Variants in PRSS36 observed in about 807,000 individuals in gnomAD.
The protein encoded by PRSS36 is serine protease 36, also known as polyserase-2.
Under a neutral mutation model 94.3 loss-of-function variants are expected in PRSS36, and 90 were observed. That is an observed-to-expected ratio of 0.95 (90% CI 0.80 to 1.14). PRSS36 has a LOEUF of 1.14. Ranked by LOEUF, PRSS36 falls within the 50% of genes most tolerant of loss-of-function variation. The pLI, the probability that PRSS36 is intolerant of heterozygous loss-of-function variation, is 0.00. For missense variants in PRSS36, 1,158 were observed against 1,135.0 expected, an observed-to-expected ratio of 1.02 and a Z score of -0.29; for synonymous variants, 500 against 489.6, an observed-to-expected ratio of 1.02 and a Z score of -0.28.
intron 5 of PRSS36, 28 bp downstream of exon 5, chr16:31,148,367 C>T (rs1409796418): frequency 7.2e-6 from 11 of 1,521,064 alleles, no homozygotes; most frequent in African/African-American, 1.4e-5. Context: ...CTCCCCGAGG[C>T]CCTCCCCTCT....
Position 31,149,514 on chromosome 16 carries a change from G to GA in PRSS36, c.74-17dup. On this transcript the variant is annotated splice_polypyrimidine_tract_variant and intron_variant, in intron 2 of 14. Coordinates refer to ENST00000268281, the MANE Select transcript of PRSS36 (RefSeq NM_173502.5). ...GGACTGAGAGCTGGGAGCCAGAGGG[G>GA]AAAGAGAGGAGGACACTTGTGACTT... The GA allele has an allele frequency of 6.2e-7, 1 of 1,614,078 alleles. No homozygotes were observed. The highest frequency in any genetic ancestry group is 8.5e-7 in the Non-Finnish European group (1 of 1,179,988).
chr16:31,142,427 C>T, intron 10 of PRSS36, 54 bp downstream of exon 10: 1 of 1,403,020 alleles, frequency 7.1e-7, no homozygotes, highest in South Asian at 1.5e-5. Context: ...GCCCCGCCCT[C>T]TTCCTAGAGC....
chr16:31,145,773 CG>C lies in PRSS36; in HGVS notation c.720+15del. 1 of 1,608,490 alleles carries C rather than the reference CG, an allele frequency of 6.2e-7. No homozygotes were observed. The highest frequency in any genetic ancestry group is 8.5e-7 in the Non-Finnish European group (1 of 1,177,810). On this transcript the variant is annotated intron_variant, in intron 6 of 14. Coordinates refer to ENST00000268281, the MANE Select transcript of PRSS36 (RefSeq NM_173502.5). Reference sequence around the variant, plus strand: ...GACTCTGGCCCTGCCAGGCAGGTGCCGGGGCCTTCCCTCACCTGGCAGGTGT... The same window carrying C: ...GACTCTGGCCCTGCCAGGCAGGTGCCGGGCCTTCCCTCACCTGGCAGGTGT...
Position 31,149,987 on chromosome 16 carries a change from C to T in PRSS36, c.37+12G>A, listed in dbSNP as rs567974118. 1.9e-6 allele frequency: 3 copies of T among 1,613,922 alleles called. No individual in the cohort carries two copies. Among genetic ancestry groups the T allele is most frequent in the East Asian group, 2.2e-5 (1 of 44,886 alleles). ...CAGGCCCTTTGCAGCCACTCTTGTC[C>T]CCTGAGGTTACCAAGCATCACAAGG... On this transcript the variant is annotated intron_variant, in intron 1 of 14. Coordinates refer to ENST00000268281, the MANE Select transcript of PRSS36 (RefSeq NM_173502.5).
chr16:31,143,850 G>A lies in PRSS36; in HGVS notation c.721-13C>T, dbSNP rs1567449849. On this transcript the variant is annotated splice_polypyrimidine_tract_variant and intron_variant, in intron 6 of 14. Coordinates refer to ENST00000268281, the MANE Select transcript of PRSS36 (RefSeq NM_173502.5). ...CCCCAGAGTCACCCTAGTGGCAGAT[G>A]ACTGCATGTCAAGGGGTCAGCCCAG... is the stretch of plus-strand genomic sequence containing the variant. The A allele has an allele frequency of 9.9e-6, 16 of 1,612,682 alleles. No individual in the cohort carries two copies. Among genetic ancestry groups the A allele is most frequent in the Non-Finnish European group, 1.4e-5 (16 of 1,179,990 alleles).
intron 10 of PRSS36, among the ~76,000 whole-genome samples, chr16:31,142,247 C>T (rs1048989699): frequency 3.3e-5 from 5 of 152,128 alleles, no homozygotes; most frequent in Non-Finnish European, 5.9e-5. Context: ...GTTCTGGCCC[C>T]GCTTCCACCC....
chr16:31,139,956 A>T (rs954000458), intron 14 of PRSS36, among the ~76,000 whole-genome samples: 1 of 148,806 alleles, frequency 6.7e-6, no homozygotes, highest in Non-Finnish European at 1.5e-5. Context: ...GCACTTTGGG[A>T]GGCCGAGGCC....
At position 31,143,664 on chromosome 16, in the gene PRSS36, G is replaced by A. The variant is rs747650650; in HGVS notation, c.894C>T (p.Ala298=). 1 of 1,614,224 alleles carries A rather than the reference G, an allele frequency of 6.2e-7. No homozygotes were observed. The highest frequency in any genetic ancestry group is 8.5e-7 in the Non-Finnish European group (1 of 1,180,038). The change falls in exon 7 of 15, where the codon GCC becomes GCT. Residue 298 remains alanine (A), a synonymous_variant. Transcript: ENST00000268281. The stretch of plus-strand genomic sequence containing the variant: ...GGGTCTTCTGGGGCTGGGTGGGAAA[G>A]GCAGGCCCAGGCTCTGAACCCATCA... ...EQVMGSEPGP[A]FPTQPQKTQS...
At position 31,148,666 on chromosome 16, in the gene PRSS36, C is replaced by G. The variant is rs751111232; in HGVS notation, c.282G>C (p.Thr94=). The G allele has an allele frequency of 6.2e-7, 1 of 1,612,382 alleles. No individual in the cohort carries two copies. ...SAAHCFMTNG[T]LEPAAEWSVL... ...CCGACCACTCGGCCGCGGGCTCCAGCGTCCCATTCCTGCGCTCGACCGGGG... is the reference window on the plus strand; with the variant it reads ...CCGACCACTCGGCCGCGGGCTCCAGGGTCCCATTCCTGCGCTCGACCGGGG... The change falls in exon 5 of 15, where the codon ACG becomes ACC. Residue 94 remains threonine (T), a synonymous_variant. Transcript: ENST00000268281.
chr16:31,145,721 G>A, intron 6 of PRSS36, 68 bp downstream of exon 6: 2 of 1,465,944 alleles, frequency 1.4e-6, no homozygotes, highest in Non-Finnish European at 1.8e-6. Flanking sequence ...TTGGAGAGAT[G>A]TCCTTTATCT....
rs61976954 is a variant in PRSS36, at chr16:31,140,613, G to T, written c.2046C>A (p.Leu682=). ...QHLGLRPPLA[L]LELSSRVEPS... Reference sequence around the variant, plus strand: ...GCTCCACCCGGGAGCTCAGCTCCAGGAGGGCCAGGGGGGGCCTGAGTCCCA... The same window carrying T: ...GCTCCACCCGGGAGCTCAGCTCCAGTAGGGCCAGGGGGGGCCTGAGTCCCA... The change falls in exon 13 of 15, where the codon CTC becomes CTA. Residue 682 remains leucine (L), a synonymous_variant. Transcript: ENST00000268281. The T allele has an allele frequency of 5.1e-3, 8,233 of 1,611,686 alleles. 160 individuals are homozygous for T. In the African/African-American group the frequency reaches 0.058, roughly 11 times the overall value.
intron 1 of PRSS36, 35 bp from the exon 2 acceptor site, chr16:31,149,766 G>C (rs758300752): frequency 1.5e-5 from 24 of 1,613,974 alleles, no homozygotes; most frequent in Non-Finnish European, 2.0e-5. Flanking sequence ...AGAGGCTGGC[G>C]ACTCGCACTC....
intron 8 of PRSS36, 115 bp from the exon 9 acceptor site, chr16:31,143,108 A>C: frequency 7.4e-7 from 1 of 1,352,152 alleles, no homozygotes; most frequent in Non-Finnish European, 9.6e-7. Context: ...GATCCCCACG[A>C]CACCCCCATT....
Position 31,149,186 on chromosome 16 carries a change from C to T in PRSS36, c.159G>A (p.Ala53=), listed in dbSNP as rs1209421752. The change falls in exon 4 of 15, where the codon GCG becomes GCA. Residue 53 remains alanine (A), a synonymous_variant. Transcript: ENST00000268281. ...PSARIVGGSN[A]QPGTWPWQVS... The stretch of plus-strand genomic sequence containing the variant: ...CTTGCCAAGGCCAGGTGCCCGGCTG[C>T]GCGTTTGAGCCCCCCACGATGCGGG... 7 of 1,570,244 alleles carry T rather than the reference C, an allele frequency of 4.5e-6. No homozygotes were observed. Among genetic ancestry groups the T allele is most frequent in the Non-Finnish European group, 6.0e-6 (7 of 1,158,530 alleles).
chr16:31,148,831 C>T, intron 4 of PRSS36, 156 bp from the exon 5 acceptor site: 10 of 1,075,212 alleles, frequency 9.3e-6, no homozygotes, highest in African/African-American at 3.2e-5. Context: ...CGATTTGGAG[C>T]TGGTGGTGGG....
chr16:31,148,260 C>T (rs1410026182), intron 5 of PRSS36, 135 bp downstream of exon 5: 2 of 959,398 alleles, frequency 2.1e-6, no homozygotes, highest in Non-Finnish European at 3.0e-6. Flanking sequence ...ATCCACCGAC[C>T]CGCAGAAACC....
At chr16:31,140,858 C>T (rs892820428) in intron 12 of PRSS36, 101 bp from the exon 13 acceptor site, 15 of 1,282,948 alleles carry the variant, frequency 1.2e-5, no homozygotes, top group Non-Finnish European at 1.6e-5. Context: ...ATGCCACTCA[C>T]TCCTTCATCA....
chr16:31,148,189 C>T (rs1476587423), intron 5 of PRSS36, among the ~76,000 whole-genome samples: 2 of 152,094 alleles, frequency 1.3e-5, no homozygotes, highest in African/African-American at 4.8e-5. Flanking sequence ...TGGGTGATTC[C>T]GTGGTCTTAG....
intron 10 of PRSS36, 150 bp from the exon 11 acceptor site, chr16:31,142,110 T>C (rs2057704703): frequency 4.3e-6 from 3 of 705,804 alleles, no homozygotes; most frequent in Non-Finnish European, 7.2e-6. Context: ...CTAATTTGTG[T>C]AAGAATTCAG....
Sources: allele counts gnomAD v4.1 joint callset (sites outside exome capture counted in the v4.1 genomes callset), GRCh38; gene constraint gnomAD v4.1.1; transcripts MANE v1.5; gene names NCBI Gene and HGNC (gene_info 2026-07-23, HGNC 2026-07-21).